PIK3R2: variants seen among roughly 807,000 people sequenced by gnomAD.
The protein encoded by PIK3R2 is phosphoinositide-3-kinase regulatory subunit 2.
Under a neutral mutation model 78.5 loss-of-function variants are expected in PIK3R2, and 40 were observed. That is an observed-to-expected ratio of 0.51 (90% CI 0.40 to 0.66). PIK3R2 has a LOEUF of 0.66. Ranked by LOEUF, PIK3R2 falls within the 30% of genes least tolerant of loss-of-function variation. PIK3R2 has a pLI of 0.00. For synonymous variants in PIK3R2, 473 were observed against 457.7 expected (o/e 1.03, Z -0.43); for missense variants, 880 against 1,026.6 (o/e 0.86, Z 1.95).
At chr19:18,165,608 C>T (rs2043802403) in intron 11 of PIK3R2, among the ~76,000 whole-genome samples, 1 of 152,142 alleles carries the variant, frequency 6.6e-6, no homozygotes, top group African/African-American at 2.4e-5. Flanking sequence ...TTCAAGAGAT[C>T]CTCCCACTTT....
chr19:18,160,057 G>A (rs181339440), intron 2 of PIK3R2, among the ~76,000 whole-genome samples: 56 of 152,258 alleles, frequency 3.7e-4, no homozygotes, highest in African/African-American at 1.3e-3. Context: ...TTGTTACAAG[G>A]ACATCAGCCA....
At chr19:18,158,212 G>C (rs531241768) in intron 2 of PIK3R2, among the ~76,000 whole-genome samples, 1 of 152,124 alleles carries the variant, frequency 6.6e-6, no homozygotes, top group Non-Finnish European at 1.5e-5. Flanking sequence ...AAGCGGGCCG[G>C]GCACAGTGGT....
Position 18,161,194 on chromosome 19 carries a change from G to A in PIK3R2, c.598+9G>A, listed in dbSNP as rs1259020658. 1.9e-6 allele frequency: 3 copies of A among 1,543,164 alleles called. No homozygotes were observed. The East Asian group carries it at 7.3e-5, about 38-fold the overall frequency. ...GCGCCGGGCCCTGCGGGGTGAGCCT[G>A]GCGGGTAGCCCGGGGGAAGGAGGGG... is the stretch of plus-strand genomic sequence containing the variant. On this transcript the variant is annotated intron_variant, in intron 5 of 15. Transcript: ENST00000222254. This position sits in a 1 kb window ranked among gnomAD's most constrained non-coding sequence, Gnocchi z 5.3.
intron 9 of PIK3R2, chr19:18,162,745 C>T (rs1025309212): frequency 8.3e-6 from 5 of 602,108 alleles, no homozygotes; most frequent in African/African-American, 7.4e-5. Context: ...AAAAAATTAG[C>T]CAGGCATGGT....
chr19:18,155,863 A>G lies in PIK3R2; in HGVS notation c.-17A>G. On this transcript the variant is annotated 5_prime_UTR_variant, in exon 2 of 16. Transcript: ENST00000222254. Reference sequence around the variant, plus strand: ...GCAGCCACCTAACCATCCAGACCCCACCCCACTCACGCGGCCATGGCGGGC... The same window carrying G: ...GCAGCCACCTAACCATCCAGACCCCGCCCCACTCACGCGGCCATGGCGGGC... 1 of 1,531,790 alleles carries G rather than the reference A, an allele frequency of 6.5e-7. No individual in the cohort carries two copies. Among genetic ancestry groups the G allele is most frequent in the Non-Finnish European group, 8.8e-7 (1 of 1,137,824 alleles). 94.9% of individuals were successfully genotyped at this position (1,531,790 alleles called of 1,614,324 possible).
At position 18,169,131 on chromosome 19, in the gene PIK3R2, C is replaced by T. The variant is rs1354082423; in HGVS notation, c.2024C>T (p.Thr675Ile). The T allele has an allele frequency of 1.9e-6, 3 of 1,611,858 alleles. No homozygotes were observed. The Admixed American group carries it at 5.0e-5, about 27-fold the overall frequency. The change falls in exon 16 of 16, where the codon ACC becomes ATC. Residue 675 changes from threonine to isoleucine, a missense_variant. This residue lies in a region of PIK3R2 where 268 missense variants were observed against 299.1 expected (regional missense o/e 0.90). Coordinates refer to ENST00000222254, the MANE Select transcript of PIK3R2 (RefSeq NM_005027.4). ...CACTGCGTCATCTACCGCACGGCCACCGGCTTCGGCTTCGCGGAGCCCTAC... is the reference window on the plus strand; with the variant it reads ...CACTGCGTCATCTACCGCACGGCCATCGGCTTCGGCTTCGCGGAGCCCTAC... ...TKHCVIYRTA[T>I]GFGFAEPYNL...
At position 18,161,159 on chromosome 19, in the gene PIK3R2, C is replaced by T. The variant is rs1418268495; in HGVS notation, c.572C>T (p.Ser191Leu). Residue 191 changes from serine (S) to leucine (L), a missense_variant, in exon 5 of 16, where the codon TCG (serine) becomes TTG (leucine). Transcript: ENST00000222254. This position sits in a 1 kb window ranked among gnomAD's most constrained non-coding sequence, Gnocchi z 5.3. ...GCGCCGCTCGTGACCCCCGAGGCCT[C>T]GGCCGAGGCGCGCCGGGCCCTGCGG... ...LPAPLVTPEA[S>L]AEARRALREA... 61 of 1,548,174 alleles carry T rather than the reference C, an allele frequency of 3.9e-5. No individual in the cohort carries two copies. Among genetic ancestry groups the T allele is most frequent in the Non-Finnish European group, 5.2e-5 (60 of 1,146,664 alleles).
In PIK3R2 at chr19:18,155,691, T is replaced by C. The variant is rs2043669912; in HGVS notation, c.-189T>C. 2 of 570,942 alleles carry C rather than the reference T, an allele frequency of 3.5e-6. No individual in the cohort carries two copies. Among genetic ancestry groups the C allele is most frequent in the African/African-American group, 2.0e-5 (1 of 50,292 alleles). The allele number at this position is 570,942 out of a possible 1,614,324, so 35.4% of individuals were successfully genotyped here. On this transcript the variant is annotated 5_prime_UTR_variant, in exon 2 of 16. Transcript: ENST00000222254. ...GGTGGACCCAGTGACGAGTGGCCCTTGTAAGGGTCATGGAATAATTTGAAG... is the reference window on the plus strand; with the variant it reads ...GGTGGACCCAGTGACGAGTGGCCCTCGTAAGGGTCATGGAATAATTTGAAG...
intron 11 of PIK3R2, 146 bp from the exon 12 acceptor site, chr19:18,166,014 T>C: frequency 9.9e-7 from 1 of 1,007,928 alleles, no homozygotes; most frequent in Admixed American, 1.7e-5. Context: ...AGGAGTTCAT[T>C]TGGTGCAGCA....
intron 11 of PIK3R2, among the ~76,000 whole-genome samples, chr19:18,163,864 C>G (rs536115400): frequency 6.6e-6 from 1 of 150,896 alleles, no homozygotes; most frequent in African/African-American, 2.4e-5. Context: ...GGGTGGCTCA[C>G]GCCTGTAATC....
At chr19:18,157,761 G>A (rs564196063) in intron 2 of PIK3R2, among the ~76,000 whole-genome samples, 200 of 92,312 alleles carry the variant, frequency 2.2e-3, no homozygotes, top group Middle Eastern at 0.011. Flanking sequence ...TGGCGTTTTC[G>A]TTGCAGCTGG....
At position 18,169,436 on chromosome 19, in the gene PIK3R2, C is replaced by T; in HGVS notation, c.*142C>T. 2.6e-6 allele frequency: 1 copy of T among 380,400 alleles called. No individual in the cohort carries two copies. Among genetic ancestry groups the T allele is most frequent in the Non-Finnish European group, 4.6e-6 (1 of 217,546 alleles). 23.6% of individuals were successfully genotyped at this position (380,400 alleles called of 1,614,324 possible). On this transcript the variant is annotated 3_prime_UTR_variant, in exon 16 of 16. Transcript: ENST00000222254. ...TGGCTCTTGTTTGGGGTTCTCTCAC[C>T]CTCTTTCTCTTTCCTTCCCTCCCCC...
intron 1 of PIK3R2, among the ~76,000 whole-genome samples, chr19:18,154,916 G>GAA (rs34055192): frequency 0.012 from 1,639 of 137,962 alleles, 23 homozygotes; most frequent in African/African-American, 0.039. Context: ...ACCTCTATTG[G>GAA]AAAAAAAAAA....
rs771663540 is a variant in PIK3R2 at position 18,168,579 on chromosome 19, C to A, written c.1808+33C>A. 1.3e-5 allele frequency: 10 copies of A among 790,380 alleles called. No homozygotes were observed. The highest frequency in any genetic ancestry group is 2.3e-5 in the Non-Finnish European group (10 of 428,790). The allele number at this position is 790,380 out of a possible 1,614,324, so 49.0% of individuals were successfully genotyped here. On this transcript the variant is annotated intron_variant, in intron 14 of 15. Transcript: ENST00000222254. This position sits in a 1 kb window ranked among gnomAD's most constrained non-coding sequence, Gnocchi z 4.1. Reference sequence around the variant, plus strand: ...ACCGTCTGGAGGGAGGCAGGGAGGGCTTCCCAGAGGAGGGGGCCATTTGGG... The same window carrying A: ...ACCGTCTGGAGGGAGGCAGGGAGGGATTCCCAGAGGAGGGGGCCATTTGGG...
chr19:18,162,587 G>C (rs2043761711), intron 9 of PIK3R2, 81 bp downstream of exon 9: 2 of 1,273,404 alleles, frequency 1.6e-6, no homozygotes, highest in Admixed American at 3.6e-5. Context: ...AACATGTGCG[G>C]TTTCAAGAAT....
chr19:18,163,912 A>G (rs2043779650), intron 11 of PIK3R2, among the ~76,000 whole-genome samples: 1 of 151,998 alleles, frequency 6.6e-6, no homozygotes, highest in Admixed American at 6.6e-5. Flanking sequence ...GGATCACCTG[A>G]GGTCAGGAGT....
chr19:18,167,179 G>A lies in PIK3R2; in HGVS notation c.1609G>A (p.Glu537Lys). The A allele has an allele frequency of 6.2e-7, 1 of 1,610,044 alleles. No homozygotes were observed. The highest frequency in any genetic ancestry group is 8.5e-7 in the Non-Finnish European group (1 of 1,178,302). ...CAAGTCCCGCATTGCCGAGATCCAT[G>A]AGAGCCGCACGAAGCTGGAGCAGCA... ...RLKSRIAEIH[E>K]SRTKLEQQLR... The change falls in exon 13 of 16, where the codon GAG (glutamate) becomes AAG (lysine). Residue 537 changes from glutamate (E) to lysine (K), a missense_variant. This residue lies in a region of PIK3R2 where 268 missense variants were observed against 299.1 expected (regional missense o/e 0.90). Transcript: ENST00000222254. The surrounding 1 kb of genome is among the most constrained non-coding windows in gnomAD (Gnocchi z 4.5).
chr19:18,161,550 G>T lies in PIK3R2; in HGVS notation c.815+55G>T, dbSNP rs561592967. 1.2e-5 allele frequency: 6 copies of T among 509,174 alleles called. No homozygotes were observed. The East Asian group carries it at 2.3e-4, about 20-fold the overall frequency. 31.5% of individuals were successfully genotyped at this position (509,174 alleles called of 1,614,324 possible). A position where few individuals can be genotyped will look rare whatever the true frequency, so the allele number is the denominator to read the frequency against. On this transcript the variant is annotated intron_variant, in intron 6 of 15. Transcript: ENST00000222254. The surrounding 1 kb of genome is among the most constrained non-coding windows in gnomAD (Gnocchi z 5.3). ...AGGGGTGGAGTTTGGGGTGGGGCGG[G>T]CGGGGCATGGCCAGAGTGAGCGGCG...
At chr19:18,157,822 G>T (rs947365118) in intron 2 of PIK3R2, among the ~76,000 whole-genome samples, 1 of 138,896 alleles carries the variant, frequency 7.2e-6, no homozygotes, top group African/African-American at 2.7e-5. Flanking sequence ...GGGAGGCCCC[G>T]CAGGCCCCGG....
Sources: gnomAD v4.1 joint callset for allele counts (sites outside exome capture counted in the v4.1 genomes callset) on GRCh38, gnomAD v4.1.1 for gene constraint, gnomAD v4.1.1 regional missense constraint, Gnocchi (gnomAD v3.1) non-coding constraint, MANE v1.5 for transcripts, NCBI Gene and HGNC (gene_info 2026-07-23, HGNC 2026-07-21) for gene names.